Variants in CYRIA observed in about 807,000 individuals in gnomAD.
CYRIA encodes CYFIP related Rac1 interactor A.
Under a neutral mutation model 43.9 loss-of-function variants are expected in CYRIA, and 15 were observed. The observed-to-expected ratio is 0.34, with a 90% CI of 0.23 to 0.53. CYRIA has a LOEUF of 0.53. Ranked by LOEUF, CYRIA falls within the 20% of genes least tolerant of loss-of-function variation. The pLI, the probability that CYRIA is intolerant of heterozygous loss-of-function variation, is 0.94. For missense variants in CYRIA, 236 were observed against 394.2 expected, an observed-to-expected ratio of 0.60 and a Z score of 3.40; for synonymous variants, 117 against 136.0, an observed-to-expected ratio of 0.86 and a Z score of 0.97.
At chr2:16,583,876 G>A (rs886996515) in intron 3 of CYRIA, among the ~76,000 whole-genome samples, 2 of 152,214 alleles carry the variant, frequency 1.3e-5, no homozygotes, top group Non-Finnish European at 2.9e-5. Context: ...GTAAAGGTCA[G>A]ATGAGAATTT....
intron 3 of CYRIA, among the ~76,000 whole-genome samples, chr2:16,576,623 T>C (rs1417933397): frequency 1.3e-5 from 2 of 152,208 alleles, no homozygotes; most frequent in African/African-American, 4.8e-5. Flanking sequence ...TTACCAATAT[T>C]GCATTATTGA....
At chr2:16,656,227 CACAT>C (rs1380854265) in intron 1 of CYRIA, among the ~76,000 whole-genome samples, 135 of 152,004 alleles carry the variant, frequency 8.9e-4, no homozygotes, top group African/African-American at 3.2e-3. Flanking sequence ...ACTGCACACA[CACAT>C]ACCCACACTC....
At chr2:16,581,815 G>A (rs1667559887) in intron 3 of CYRIA, among the ~76,000 whole-genome samples, 1 of 151,906 alleles carries the variant, frequency 6.6e-6, no homozygotes, top group Non-Finnish European at 1.5e-5. Flanking sequence ...ATCATCAACA[G>A]GAAAATGAAA....
At chr2:16,622,080 C>A (rs898090955) in intron 2 of CYRIA, among the ~76,000 whole-genome samples, 3 of 152,088 alleles carry the variant, frequency 2.0e-5, no homozygotes, top group Non-Finnish European at 4.4e-5. Context: ...GGAAGAAAGC[C>A]CTGAATGAGC....
At chr2:16,643,805 G>T (rs7607445) in intron 1 of CYRIA, among the ~76,000 whole-genome samples, 6,063 of 152,194 alleles carry the variant, frequency 0.04, 402 homozygotes, top group African/African-American at 0.14. Context: ...AATGCCTTCT[G>T]AGCATCTCCT....
At chr2:16,616,983 T>A (rs778166322) in intron 2 of CYRIA, among the ~76,000 whole-genome samples, 19 of 152,170 alleles carry the variant, frequency 1.2e-4, no homozygotes, top group Non-Finnish European at 2.8e-4. Context: ...TTAAAGCAAA[T>A]CTTACCTGAA....
In CYRIA at chr2:16,565,647, T is replaced by A. The variant is rs1293576071; in HGVS notation, c.191A>T (p.Asp64Val). 1 of 1,564,192 alleles carries A rather than the reference T, an allele frequency of 6.4e-7. No individual in the cohort carries two copies. The highest frequency in any genetic ancestry group is 8.7e-7 in the Non-Finnish European group (1 of 1,143,894). ...AGTTCAGCGTGATCATTGACATACA[T>A]CTCGGATCTCTGGGCCTGCGCCTTT... ...AYKGAGPEIRDAIQNPNDIQL... is the reference protein window; with the variant it reads ...AYKGAGPEIRVAIQNPNDIQL... The change falls in exon 4 of 12, where the codon GAT becomes GTT. Residue 64 changes from aspartate to valine, a missense_variant and splice_region_variant. Asp to Val is a radical substitution (Grantham distance 152, BLOSUM62 -3). Around this residue, in one of 3 missense-constraint regions of CYRIA, gnomAD observed 193 missense variants for 303.9 expected, o/e 0.64. Transcript: ENST00000381323.
intron 3 of CYRIA, among the ~76,000 whole-genome samples, chr2:16,579,204 A>G (rs573994757): frequency 6.6e-6 from 1 of 152,324 alleles, no homozygotes; most frequent in Admixed American, 6.5e-5. Context: ...ATCCTTTAAA[A>G]ATGAAAGTTA....
chr2:16,646,683 T>C (rs971203383), intron 1 of CYRIA, among the ~76,000 whole-genome samples: 1 of 152,244 alleles, frequency 6.6e-6, no homozygotes, highest in African/African-American at 2.4e-5. Flanking sequence ...TTAAACATTA[T>C]TCTGTTTGTT....
intron 1 of CYRIA, among the ~76,000 whole-genome samples, chr2:16,632,283 G>A (rs1446868043): frequency 6.6e-6 from 1 of 152,196 alleles, no homozygotes; most frequent in Non-Finnish European, 1.5e-5. Flanking sequence ...TGACATTTGA[G>A]AAAGTCATGT....
intron 3 of CYRIA, among the ~76,000 whole-genome samples, chr2:16,569,391 A>G (rs1667051802): frequency 6.6e-6 from 1 of 152,218 alleles, no homozygotes; most frequent in South Asian, 2.1e-4. Flanking sequence ...GGTAGGAGAA[A>G]GCCACTCCAT....
chr2:16,578,168 C>T (rs1308616942), intron 3 of CYRIA, among the ~76,000 whole-genome samples: 2 of 152,300 alleles, frequency 1.3e-5, no homozygotes, highest in East Asian at 1.9e-4. Flanking sequence ...TGATCCTTCC[C>T]TCAAATCTGA....
intron 9 of CYRIA, chr2:16,560,669 T>C: frequency 5.5e-6 from 2 of 363,358 alleles, no homozygotes; most frequent in South Asian, 6.5e-5. Context: ...ATATTTATCA[T>C]GATGTCCCAT....
chr2:16,565,888 C>T (rs1666912216), intron 3 of CYRIA, 121 bp from the exon 4 acceptor site: 6 of 946,114 alleles, frequency 6.3e-6, no homozygotes, highest in Middle Eastern at 2.5e-4. Context: ...CTGGTATTTA[C>T]TCTTTAACCT....
intron 2 of CYRIA, among the ~76,000 whole-genome samples, chr2:16,620,363 C>A (rs1288803144): frequency 2.6e-5 from 4 of 152,210 alleles, no homozygotes; most frequent in Non-Finnish European, 4.4e-5. Flanking sequence ...TCACAGCTAT[C>A]TGTGTACTAA....
At chr2:16,624,753 T>C (rs1669105277) in intron 1 of CYRIA, among the ~76,000 whole-genome samples, 1 of 152,166 alleles carries the variant, frequency 6.6e-6, no homozygotes, top group Admixed American at 6.5e-5. Flanking sequence ...GAAAACCAAA[T>C]CATAGAAAAT....
At chr2:16,638,990 T>C (rs1206341195) in intron 1 of CYRIA, among the ~76,000 whole-genome samples, 1 of 152,192 alleles carries the variant, frequency 6.6e-6, no homozygotes, top group East Asian at 1.9e-4. Context: ...ACGACAAACT[T>C]ACATAAATAA....
intron 11 of CYRIA, 130 bp from the exon 12 acceptor site, chr2:16,553,129 C>T (rs1666374147): frequency 1.5e-6 from 1 of 671,390 alleles, no homozygotes; most frequent in Non-Finnish European, 2.8e-6. Context: ...CACTTCAATG[C>T]TCACAGTCAT....
chr2:16,651,022 C>T (rs1292688686), intron 1 of CYRIA, among the ~76,000 whole-genome samples: 6 of 152,144 alleles, frequency 3.9e-5, no homozygotes, highest in Admixed American at 2.0e-4. Context: ...ATTTCAGGCT[C>T]GCTCTATGCT....
Sources: allele counts gnomAD v4.1 joint callset (sites outside exome capture counted in the v4.1 genomes callset), GRCh38; gene constraint gnomAD v4.1.1; regional missense constraint gnomAD v4.1.1; transcripts MANE v1.5; gene names NCBI Gene and HGNC (gene_info 2026-07-23, HGNC 2026-07-21).